Variants in CFAP20DC observed in about 807,000 individuals in gnomAD.
CFAP20DC encodes the protein CFAP20 domain containing.
CFAP20DC carries 84 observed loss-of-function variants against 101.7 expected under a neutral mutation model. The ratio of observed to expected loss-of-function variants is 0.83; its 90% CI spans 0.69 to 0.99. The LOEUF (loss-of-function observed/expected upper bound fraction) is 0.99. Among genes scored for constraint, CFAP20DC ranks in the 50% least tolerant of loss-of-function variants. CFAP20DC has a pLI of 0.00. For missense variants in CFAP20DC, 1,007 were observed against 970.3 expected (o/e 1.04, Z -0.50); for synonymous variants, 359 against 351.2 (o/e 1.02, Z -0.25).
intron 6 of CFAP20DC, among the ~76,000 whole-genome samples, chr3:58,887,912 G>A (rs1270562118): frequency 6.6e-6 from 1 of 152,166 alleles, no homozygotes; most frequent in East Asian, 1.9e-4. Context: ...AGCTCTAAAG[G>A]TTTCTCTGAG....
At chr3:58,858,028 C>T (rs565868711) in intron 12 of CFAP20DC, among the ~76,000 whole-genome samples, 3 of 152,158 alleles carry the variant, frequency 2.0e-5, no homozygotes, top group South Asian at 4.1e-4. Context: ...TGAAAAATAA[C>T]CACCTTTCTC....
chr3:59,040,488 T>C (rs541495764), intron 3 of CFAP20DC, among the ~76,000 whole-genome samples: 4 of 152,158 alleles, frequency 2.6e-5, no homozygotes, highest in African/African-American at 7.2e-5. Flanking sequence ...TTTACAAACA[T>C]ATTTTCCTGC....
chr3:58,925,520 G>A (rs1333162036), intron 5 of CFAP20DC, among the ~76,000 whole-genome samples: 1 of 152,134 alleles, frequency 6.6e-6, no homozygotes, highest in Admixed American at 6.6e-5. Flanking sequence ...ATCAATATTT[G>A]CTAATTAAAA....
intron 15 of CFAP20DC, among the ~76,000 whole-genome samples, chr3:58,789,783 T>G (rs1352290485): frequency 6.6e-6 from 1 of 152,192 alleles, no homozygotes; most frequent in Non-Finnish European, 1.5e-5. Context: ...ACTCTTTTGT[T>G]GATTGGACCA....
chr3:58,762,928 C>A (rs1376567153), intron 15 of CFAP20DC, among the ~76,000 whole-genome samples: 1 of 152,178 alleles, frequency 6.6e-6, no homozygotes, highest in Non-Finnish European at 1.5e-5. Context: ...GATGGGCTTC[C>A]CTTTGTGGCT....
Position 58,964,662 on chromosome 3 carries a change from C to T in CFAP20DC, c.279-26900G>A, listed in dbSNP as rs933311609. On this transcript the variant is annotated intron_variant, in intron 4 of 16. Transcript: ENST00000482387. This position sits in a 1 kb window ranked among gnomAD's most constrained non-coding sequence, Gnocchi z 4.1. The stretch of plus-strand genomic sequence containing the variant: ...CACTTACTAATAATAATTTGAACTA[C>T]TTATTTACATATTTTTGGTTTTGTG... Among the ~76,000 whole-genome samples, 15 of 152,316 alleles carry T rather than the reference C, an allele frequency of 9.8e-5. No homozygotes were observed. The highest frequency in any genetic ancestry group is 5.2e-4 in the Admixed American group (8 of 15,296).
chr3:58,876,902 T>A (rs1318167837), intron 7 of CFAP20DC, among the ~76,000 whole-genome samples: 1 of 152,182 alleles, frequency 6.6e-6, no homozygotes, highest in Non-Finnish European at 1.5e-5. Flanking sequence ...CTATTAAGAA[T>A]GTAACAAATA....
chr3:58,777,219 C>T lies in CFAP20DC; in HGVS notation c.2238-23356G>A, dbSNP rs941595410. On this transcript the variant is annotated intron_variant, in intron 15 of 16. Transcript: ENST00000482387. ...AACTCAAAAGAATGCAACCATTTGT[C>T]TCTTACCTACCTATGACCTGGAAGC... Among the ~76,000 whole-genome samples the T allele has an allele frequency of 2.0e-5, 3 of 152,180 alleles. No individual in the cohort carries two copies. The East Asian group carries it at 5.8e-4, about 29-fold the overall frequency.
chr3:58,952,680 C>T (rs138864083), intron 4 of CFAP20DC, among the ~76,000 whole-genome samples: 113 of 151,778 alleles, frequency 7.4e-4, no homozygotes, highest in African/African-American at 2.6e-3. Context: ...TCCAGTGAGT[C>T]TTGATTTAAA....
intron 3 of CFAP20DC, among the ~76,000 whole-genome samples, chr3:59,042,206 A>G (rs569695938): frequency 5.1e-4 from 77 of 152,156 alleles, no homozygotes; most frequent in Non-Finnish European, 8.4e-4. Flanking sequence ...ACTCCATCCT[A>G]TGATGGAAAA....
intron 14 of CFAP20DC, among the ~76,000 whole-genome samples, chr3:58,815,643 A>T (rs2075058734): frequency 6.6e-6 from 1 of 151,516 alleles, no homozygotes; most frequent in African/African-American, 2.4e-5. Flanking sequence ...ATCTACAATG[A>T]ACTCAAACAA....
intron 15 of CFAP20DC, among the ~76,000 whole-genome samples, chr3:58,776,144 G>C (rs1440003813): frequency 6.6e-6 from 1 of 152,140 alleles, no homozygotes; most frequent in East Asian, 1.9e-4. Flanking sequence ...ATGGGGGTGA[G>C]CATGAGACCC....
chr3:58,994,488 T>A (rs2093047215), intron 4 of CFAP20DC, among the ~76,000 whole-genome samples: 3 of 152,110 alleles, frequency 2.0e-5, no homozygotes, highest in Non-Finnish European at 1.5e-5. Flanking sequence ...GAAAGTTAAG[T>A]AACTTGCCCA....
chr3:58,842,604 C>A (rs561946067), intron 13 of CFAP20DC, among the ~76,000 whole-genome samples: 1 of 152,346 alleles, frequency 6.6e-6, no homozygotes, highest in South Asian at 2.1e-4. Context: ...CCCGCCATTG[C>A]CCAGGCTTGA....
intron 5 of CFAP20DC, among the ~76,000 whole-genome samples, chr3:58,917,019 C>T (rs1424829612): frequency 1.3e-5 from 2 of 152,074 alleles, no homozygotes; most frequent in Non-Finnish European, 2.9e-5. Context: ...CAACTCTATC[C>T]AGCAGGAAAT....
At chr3:58,779,217 A>C (rs1361361163) in intron 15 of CFAP20DC, among the ~76,000 whole-genome samples, 1 of 152,242 alleles carries the variant, frequency 6.6e-6, no homozygotes, top group Non-Finnish European at 1.5e-5. Flanking sequence ...CAATATAAAA[A>C]TATCAGAAAA....
intron 13 of CFAP20DC, among the ~76,000 whole-genome samples, chr3:58,843,720 C>A (rs1480392346): frequency 1.7e-4 from 26 of 150,106 alleles, no homozygotes; most frequent in Admixed American, 1.7e-3. Flanking sequence ...GTCAGATTCA[C>A]CAAAGTTGAA....
rs1446568474 is a variant in CFAP20DC at position 58,914,740 on chromosome 3, G to A, written c.394-876C>T. 1 of 150,468 alleles carries A rather than the reference G, an allele frequency of 6.6e-6. No homozygotes were observed. Among genetic ancestry groups the A allele is most frequent in the African/African-American group, 2.4e-5 (1 of 40,940 alleles). 9.3% of individuals were successfully genotyped at this position (150,468 alleles called of 1,614,324 possible). On this transcript the variant is annotated intron_variant, in intron 5 of 16. Transcript: ENST00000482387. This position sits in a 1 kb window ranked among gnomAD's most constrained non-coding sequence, Gnocchi z 4.9. ...CAAATCTTATATATCTAGGAATGCTGATTTTAATATGGAGGTGAACCTTAG... is the reference window on the plus strand; with the variant it reads ...CAAATCTTATATATCTAGGAATGCTAATTTTAATATGGAGGTGAACCTTAG...
chr3:58,835,724 T>G (rs1200346513), intron 13 of CFAP20DC, among the ~76,000 whole-genome samples: 3 of 152,190 alleles, frequency 2.0e-5, no homozygotes, highest in African/African-American at 7.2e-5. Flanking sequence ...GTAATTAACT[T>G]AGTCCTGCGA....
Sources: gnomAD v4.1 joint callset for allele counts (sites outside exome capture counted in the v4.1 genomes callset) on GRCh38, gnomAD v4.1.1 for gene constraint, Gnocchi (gnomAD v3.1) non-coding constraint, MANE v1.5 for transcripts, NCBI Gene and HGNC (gene_info 2026-07-23, HGNC 2026-07-21) for gene names.